Variants in CEP68 observed in about 807,000 individuals in gnomAD.
CEP68 encodes centrosomal protein of 68 kDa.
In CEP68, 26 loss-of-function variants were observed where a neutral mutation model predicts 55.3. That is an observed-to-expected ratio of 0.47 (90% confidence interval 0.34 to 0.65). The LOEUF (loss-of-function observed/expected upper bound fraction) is 0.65, where lower values mean the gene tolerates loss of function less well. Ranked by LOEUF, CEP68 falls within the 30% of genes least tolerant of loss-of-function variation. CEP68 has a pLI of 0.01. For synonymous variants in CEP68, 402 were observed against 383.2 expected (o/e 1.05, Z -0.57); for missense variants, 957 against 946.7 (o/e 1.01, Z -0.14).
chr2:65,072,731 C>T lies in CEP68; in HGVS notation c.1635C>T (p.Leu545=). ...SQSQLPPGAA[L]QGSGDPEGQN... Reference sequence around the variant, plus strand: ...GCCAGCTTCCCCCTGGAGCTGCCCTCCAAGGATCTGGGGATCCTGAGGGCC... The same window carrying T: ...GCCAGCTTCCCCCTGGAGCTGCCCTTCAAGGATCTGGGGATCCTGAGGGCC... The change falls in exon 3 of 7, where the codon CTC becomes CTT. Residue 545 remains leucine, a synonymous_variant. Transcript: ENST00000377990. 1 of 1,614,140 alleles carries T rather than the reference C, an allele frequency of 6.2e-7. No individual in the cohort carries two copies. The highest frequency in any genetic ancestry group is 2.2e-5 in the East Asian group (1 of 44,874).
chr2:65,073,087 T>G (rs1225721949), intron 3 of CEP68, 107 bp downstream of exon 3: 1 of 1,196,730 alleles, frequency 8.4e-7, no homozygotes, highest in South Asian at 1.3e-5. Context: ...GCACTTTTTA[T>G]GTGCCAGGCA....
intron 3 of CEP68, 156 bp from the exon 4 acceptor site, chr2:65,074,126 T>TCC (rs1196742664): frequency 2.8e-5 from 21 of 756,268 alleles, no homozygotes; most frequent in Non-Finnish European, 1.7e-5. Context: ...CAGAGGGAGG[T>TCC]ACAGAGTCGT....
At chr2:65,069,257 G>C in intron 1 of CEP68, 142 bp from the exon 2 acceptor site, 1 of 502,784 alleles carries the variant, frequency 2.0e-6, no homozygotes. Context: ...CCGGAACTCG[G>C]TGCTCCTCTG....
At chr2:65,067,847 T>C (rs1676269944) in intron 1 of CEP68, among the ~76,000 whole-genome samples, 1 of 152,224 alleles carries the variant, frequency 6.6e-6, no homozygotes, top group African/African-American at 2.4e-5. Context: ...AAGGGCATGC[T>C]CTTCTCCAGG....
At chr2:65,067,736 G>A (rs1676262432) in intron 1 of CEP68, among the ~76,000 whole-genome samples, 1 of 152,136 alleles carries the variant, frequency 6.6e-6, no homozygotes, top group African/African-American at 2.4e-5. Flanking sequence ...TACATCTGCT[G>A]TGCATTTTAC....
intron 2 of CEP68, 33 bp from the exon 3 acceptor site, chr2:65,071,420 AC>A (rs1676453222): frequency 7.7e-6 from 12 of 1,565,750 alleles, no homozygotes; most frequent in Admixed American, 1.7e-5. Context: ...TTTGATTTTT[AC>A]CCAAGTGCTT....
intron 1 of CEP68, among the ~76,000 whole-genome samples, chr2:65,068,072 A>G (rs899600586): frequency 6.6e-6 from 1 of 152,100 alleles, no homozygotes; most frequent in African/African-American, 2.4e-5. Flanking sequence ...CCTCCTGACT[A>G]AGGAAACAAG....
rs1238176012 is a variant in CEP68, at chr2:65,071,690, C to T, written c.594C>T (p.Ile198=). ...GSAAQPSSCS[I]SASSTGSSLQ... ...CAGCTCAGCCTTCCAGCTGCAGCAT[C>T]TCTGCTTCCTCCACAGGCAGCAGTC... The change falls in exon 3 of 7, where the codon ATC becomes ATT. Residue 198 remains isoleucine (I), a synonymous_variant. Transcript: ENST00000377990. 2 of 1,614,196 alleles carry T rather than the reference C, an allele frequency of 1.2e-6. No individual in the cohort carries two copies. The highest frequency in any genetic ancestry group is 4.5e-5 in the East Asian group (2 of 44,882).
intron 1 of CEP68, among the ~76,000 whole-genome samples, chr2:65,067,350 A>G (rs13022459): frequency 0.024 from 3,652 of 152,210 alleles, 50 homozygotes; most frequent in African/African-American, 0.031. Context: ...GCTGAACTCT[A>G]TCTAGCCTGG....
In CEP68 at chr2:65,072,456, A is replaced by C; in HGVS notation, c.1360A>C (p.Lys454Gln). 7 of 1,614,028 alleles carry C rather than the reference A, an allele frequency of 4.3e-6. No homozygotes were observed. The highest frequency in any genetic ancestry group is 5.9e-6 in the Non-Finnish European group (7 of 1,180,010). ...GCCCTCGCCCAGGCCAGAGAGGGAG[A>C]AGAGGACCAGCCAGAGTGCCCGGCG... The part of the protein sequence containing the change: ...GWPSPRPERE[K>Q]RTSQSARRPT... Residue 454 changes from lysine (K) to glutamine (Q), a missense_variant, in exon 3 of 7, where the codon AAG becomes CAG. Coordinates refer to ENST00000377990, the MANE Select transcript of CEP68 (RefSeq NM_015147.3).
intron 1 of CEP68, among the ~76,000 whole-genome samples, chr2:65,064,745 A>AAT (rs1299568217): frequency 6.6e-6 from 1 of 152,022 alleles, no homozygotes; most frequent in Non-Finnish European, 1.5e-5. Flanking sequence ...AAAAAAAAAA[A>AAT]AAAAAGAAAT....
chr2:65,078,042 G>A lies in CEP68; in HGVS notation c.2104+78G>A, dbSNP rs966032724. 189 of 1,058,650 alleles carry A rather than the reference G, an allele frequency of 1.8e-4. 2 individuals carry two copies. In the African/African-American group the frequency reaches 2.6e-3, roughly 14 times the overall value. 65.6% of individuals were successfully genotyped at this position (1,058,650 alleles called of 1,614,324 possible). A position where few individuals can be genotyped will look rare whatever the true frequency, so the allele number is the denominator to read the frequency against. On this transcript the variant is annotated intron_variant, in intron 5 of 6. Coordinates refer to ENST00000377990, the MANE Select transcript of CEP68 (RefSeq NM_015147.3). ...AGGCCCAGGGACCGCACTATCCCTGGTAAGGAGCTGGTACCACAAGAGCCC... is the reference window on the plus strand; with the variant it reads ...AGGCCCAGGGACCGCACTATCCCTGATAAGGAGCTGGTACCACAAGAGCCC...
At chr2:65,077,847 C>G in intron 4 of CEP68, 21 bp from the exon 5 acceptor site, 10 of 1,581,074 alleles carry the variant, frequency 6.3e-6, no homozygotes, top group Non-Finnish European at 8.7e-6. Flanking sequence ...TCTGCCTTTT[C>G]TTTTTCTGAT....
chr2:65,082,455 T>G, intron 5 of CEP68, 81 bp from the exon 6 acceptor site: 1 of 1,293,232 alleles, frequency 7.7e-7, no homozygotes, highest in South Asian at 1.7e-5. Flanking sequence ...TATACCCTTG[T>G]ATGTTCTTTT....
At chr2:65,076,994 CCTTTT>C (rs1676794936) in intron 4 of CEP68, among the ~76,000 whole-genome samples, 2 of 51,626 alleles carry the variant, frequency 3.9e-5, no homozygotes, top group African/African-American at 8.5e-5. Context: ...TTTGACTTTA[CCTTTT>C]TTTTTTTTTT....
At chr2:65,057,290 C>A (rs1675677282) in intron 1 of CEP68, among the ~76,000 whole-genome samples, 1 of 152,196 alleles carries the variant, frequency 6.6e-6, no homozygotes, top group East Asian at 1.9e-4. Flanking sequence ...TCTAACAGTT[C>A]TCAGATCTAG....
Position 65,069,714 on chromosome 2 carries a change from C to T in CEP68, c.270C>T (p.Pro90=), listed in dbSNP as rs112673076. 32 of 1,614,074 alleles carry T rather than the reference C, an allele frequency of 2.0e-5. No homozygotes were observed. In the Admixed American group the frequency reaches 2.2e-4, roughly 11 times the overall value. The change falls in exon 2 of 7, where the codon CCC becomes CCT. Residue 90 remains proline, a synonymous_variant. Transcript: ENST00000377990. ...AGGCCAGTGATGCCAACAGAGAGCC[C>T]GTAGCTGAGAGGTCTGAGCCTGCAC... ...QPQASDANRE[P]VAERSEPALS... is the part of the protein sequence containing the mutation.
chr2:65,084,131 A>G lies in CEP68; in HGVS notation c.*497A>G, dbSNP rs1458619204. The G allele has an allele frequency of 6.6e-6, 1 of 152,216 alleles. No individual in the cohort carries two copies. The allele number at this position is 152,216 out of a possible 1,614,324, so 9.4% of individuals were successfully genotyped here. On this transcript the variant is annotated 3_prime_UTR_variant, in exon 7 of 7. Transcript: ENST00000377990. ...AATCCCTCTTTAAAGATATAGGTAG[A>G]AAGAAGAGATTTTTAACCCTTTGTC...
Position 65,084,991 on chromosome 2 carries a change from A to G in CEP68, c.*1357A>G, listed in dbSNP as rs531681991. 10 of 152,300 alleles carry G rather than the reference A, an allele frequency of 6.6e-5. No homozygotes were observed. Among genetic ancestry groups the G allele is most frequent in the Middle Eastern group, 3.4e-3 (1 of 294 alleles). The allele number at this position is 152,300 out of a possible 1,614,324, so 9.4% of individuals were successfully genotyped here. ...ATTGTCAATTATAAACCTGTATGTA[A>G]AACATTCTTGAAAACCTAGAGTTGG... On this transcript the variant is annotated 3_prime_UTR_variant, in exon 7 of 7. Coordinates refer to ENST00000377990, the MANE Select transcript of CEP68 (RefSeq NM_015147.3).
Sources: allele counts gnomAD v4.1 joint callset (sites outside exome capture counted in the v4.1 genomes callset), GRCh38; gene constraint gnomAD v4.1.1; transcripts MANE v1.5; gene names NCBI Gene and HGNC (gene_info 2026-07-23, HGNC 2026-07-21).